Variants in FOXN3 observed in about 807,000 individuals in gnomAD.
The protein encoded by FOXN3 is forkhead box protein N3.
FOXN3 carries 7 observed loss-of-function variants against 38.4 expected under a neutral mutation model. That is an observed-to-expected ratio of 0.18 (90% CI 0.10 to 0.34). The LOEUF is 0.34. FOXN3 is among the 10% of genes least tolerant of loss of function. The pLI, the probability that FOXN3 is intolerant of heterozygous loss-of-function variation, is 1.00. For synonymous variants in FOXN3, 230 were observed against 242.2 expected (o/e 0.95, Z 0.47); for missense variants, 456 against 613.4 (o/e 0.74, Z 2.71).
intron 2 of FOXN3, among the ~76,000 whole-genome samples, chr14:89,403,081 G>C (rs1173167694): frequency 6.6e-6 from 1 of 152,144 alleles, no homozygotes; most frequent in Non-Finnish European, 1.5e-5. Context: ...ACACTGATCG[G>C]CACACTTCCA....
chr14:89,465,288 C>G (rs931346800), intron 1 of FOXN3, among the ~76,000 whole-genome samples: 11 of 151,926 alleles, frequency 7.2e-5, no homozygotes, highest in Non-Finnish European at 1.5e-4. Context: ...GGAGTGCAGT[C>G]GCACGATCTT....
chr14:89,313,999 G>A (rs964536467), intron 3 of FOXN3, among the ~76,000 whole-genome samples: 6 of 152,174 alleles, frequency 3.9e-5, no homozygotes, highest in Non-Finnish European at 8.8e-5. Flanking sequence ...GAAAGGGGGA[G>A]TTGGAGAGTA....
intron 4 of FOXN3, among the ~76,000 whole-genome samples, chr14:89,186,938 G>A (rs773342632): frequency 7.2e-5 from 11 of 152,198 alleles, no homozygotes; most frequent in South Asian, 6.2e-4. Flanking sequence ...TGCTCTGCCT[G>A]GGGCTCTCAC....
At chr14:89,237,025 A>G (rs1047322391) in intron 4 of FOXN3, among the ~76,000 whole-genome samples, 2 of 152,192 alleles carry the variant, frequency 1.3e-5, no homozygotes, top group African/African-American at 4.8e-5. Context: ...CCTGGACCTA[A>G]GTTTCAGGCC....
rs1156999685 is a variant in FOXN3 at position 89,511,247 on chromosome 14, T to TTTCTTTCTTTCTTTCTTTCTTTCTTTC, written c.-14-98758_-14-98757insGAAAGAAAGAAAGAAAGAAAGAAAGAA. Among the ~76,000 whole-genome samples, 4 of 11,270 alleles carry TTTCTTTCTTTCTTTCTTTCTTTCTTTC rather than the reference T, an allele frequency of 3.5e-4. 2 individuals are homozygous for TTTCTTTCTTTCTTTCTTTCTTTCTTTC. Among genetic ancestry groups the TTTCTTTCTTTCTTTCTTTCTTTCTTTC allele is most frequent in the Non-Finnish European group, 1.9e-3 (4 of 2,080 alleles). The allele number at this position is 11,270 out of a possible 152,430, so 7.4% of individuals were successfully genotyped here. The stretch of plus-strand genomic sequence containing the variant: ...TCTTTCTTTTCTTTCCTTTTCTTTC[T>TTTCTTTCTTTCTTTCTTTCTTTCTTTC]TTTCTTTCTTTCTTTCTTTCTTTCT... On this transcript the variant is annotated intron_variant, in intron 1 of 6. Transcript: ENST00000345097.
intron 2 of FOXN3, among the ~76,000 whole-genome samples, chr14:89,392,683 C>T (rs565210536): frequency 1.0e-4 from 15 of 149,220 alleles, no homozygotes; most frequent in Admixed American, 2.0e-4. Context: ...TTCTGTCACC[C>T]GGGCTGGAGT....
At chr14:89,355,812 G>A (rs545276559) in intron 2 of FOXN3, among the ~76,000 whole-genome samples, 66 of 152,170 alleles carry the variant, frequency 4.3e-4, no homozygotes, top group Non-Finnish European at 7.1e-4. Context: ...GGACAGTAGT[G>A]TCTGGTTGTG....
chr14:89,157,520 A>G lies in FOXN3; in HGVS notation c.*4894T>C, dbSNP rs1887007789. 2 of 152,644 alleles carry G rather than the reference A, an allele frequency of 1.3e-5. No individual in the cohort carries two copies. The highest frequency in any genetic ancestry group is 2.9e-5 in the Non-Finnish European group (2 of 68,042). The allele number at this position is 152,644 out of a possible 1,614,324, so 9.5% of individuals were successfully genotyped here. A position where few individuals can be genotyped will look rare whatever the true frequency, so the allele number is the denominator to read the frequency against. On this transcript the variant is annotated 3_prime_UTR_variant, in exon 6 of 6. Transcript: ENST00000557258. The stretch of plus-strand genomic sequence containing the variant: ...AAAGGTAGGCAGATCTATACAGAAC[A>G]CTGAATGCCATGTGTAAATCCTCAT...
intron 1 of FOXN3, among the ~76,000 whole-genome samples, chr14:89,488,725 A>C (rs1375869169): frequency 6.6e-6 from 1 of 152,200 alleles, no homozygotes. Flanking sequence ...TAATAGCAGA[A>C]GATTTGTCCA....
intron 5 of FOXN3, among the ~76,000 whole-genome samples, chr14:89,172,144 T>C (rs1596079153): frequency 6.6e-6 from 1 of 152,156 alleles, no homozygotes; most frequent in African/African-American, 2.4e-5. Context: ...TAAATCTAAC[T>C]GAACAGGCAT....
chr14:89,244,684 T>C (rs1031664670), intron 4 of FOXN3, among the ~76,000 whole-genome samples: 2 of 152,202 alleles, frequency 1.3e-5, no homozygotes, highest in Admixed American at 6.5e-5. Context: ...CTTAACTTGC[T>C]TAAGATTACA....
Position 89,611,323 on chromosome 14 carries a change from G to A in FOXN3, c.-15+7705C>T, listed in dbSNP as rs17126136. On this transcript the variant is annotated intron_variant, in intron 1 of 6. Coordinates refer to the FOXN3 transcript ENST00000345097. ...TCTTAACACCTGAGTTTGTTGAGCC[G>A]TTCAGACCAAGTGTAAAAGTGAGTG... 5.8e-3 allele frequency among the ~76,000 whole-genome samples: 883 copies of A among 152,316 alleles called. 19 individuals carry two copies. The highest frequency in any genetic ancestry group is 0.042 in the Admixed American group (636 of 15,302).
intron 1 of FOXN3, among the ~76,000 whole-genome samples, chr14:89,416,499 G>A (rs1216361358): frequency 2.0e-5 from 3 of 152,072 alleles, no homozygotes; most frequent in Non-Finnish European, 2.9e-5. Context: ...CAGTTTGGCC[G>A]GGGGGTGATC....
intron 3 of FOXN3, among the ~76,000 whole-genome samples, chr14:89,347,729 G>A (rs939148427): frequency 3.3e-5 from 5 of 152,088 alleles, no homozygotes; most frequent in East Asian, 1.9e-4. Flanking sequence ...CGAGGCGGGC[G>A]GATCATGAGT....
At chr14:89,524,326 G>A (rs1894383864) in intron 1 of FOXN3, among the ~76,000 whole-genome samples, 1 of 115,922 alleles carries the variant, frequency 8.6e-6, no homozygotes, top group Non-Finnish European at 1.6e-5. Flanking sequence ...AGTGAGCCGA[G>A]ATCGCACCAC....
intron 3 of FOXN3, among the ~76,000 whole-genome samples, chr14:89,341,308 C>T (rs1366244738): frequency 6.6e-6 from 1 of 152,164 alleles, no homozygotes; most frequent in Non-Finnish European, 1.5e-5. Flanking sequence ...TCTATAACTT[C>T]GATCCATCAA....
intron 1 of FOXN3, among the ~76,000 whole-genome samples, chr14:89,560,088 C>T (rs921762552): frequency 6.6e-6 from 1 of 152,136 alleles, no homozygotes; most frequent in African/African-American, 2.4e-5. Context: ...TACAATCATG[C>T]AGGAAGGTGA....
chr14:89,391,530 G>A (rs191485964), intron 2 of FOXN3, among the ~76,000 whole-genome samples: 3 of 152,300 alleles, frequency 2.0e-5, no homozygotes, highest in Admixed American at 2.0e-4. Flanking sequence ...AACAAAGGCT[G>A]CTTCTTCCCA....
At chr14:89,375,021 C>G (rs953398735) in intron 2 of FOXN3, among the ~76,000 whole-genome samples, 1 of 149,738 alleles carries the variant, frequency 6.7e-6, no homozygotes, top group Non-Finnish European at 1.5e-5. Flanking sequence ...TGCATTAATA[C>G]GAAATTCTAG....
Sources: gnomAD v4.1 joint callset for allele counts (sites outside exome capture counted in the v4.1 genomes callset) on GRCh38, gnomAD v4.1.1 for gene constraint, MANE v1.5 for transcripts, NCBI Gene and HGNC (gene_info 2026-07-23, HGNC 2026-07-21) for gene names.